A2M: variants seen among roughly 807,000 people sequenced by gnomAD.
The protein encoded by A2M is alpha-2-macroglobulin, also known as C3 and PZP-like alpha-2-macroglobulin domain-containing protein 5.
A neutral mutation model predicts 183.9 loss-of-function variants in A2M; 128 were observed. That is an observed-to-expected ratio of 0.70 (90% CI 0.60 to 0.81). The LOEUF is 0.81. Ranked by LOEUF, A2M falls within the 30% of genes least tolerant of loss-of-function variation. The pLI, the probability that A2M is intolerant of heterozygous loss-of-function variation, is 0.00. For synonymous variants in A2M, 592 were observed against 670.8 expected, an observed-to-expected ratio of 0.88 and a Z score of 1.81; for missense variants, 1,495 against 1,787.6, an observed-to-expected ratio of 0.84 and a Z score of 2.95.
At chr12:9,097,753 C>G (rs146231725) in intron 15 of A2M, among the ~76,000 whole-genome samples, 1 of 151,880 alleles carries the variant, frequency 6.6e-6, no homozygotes, top group African/African-American at 2.4e-5. Flanking sequence ...CTGCCTCAGC[C>G]TCCTGAGTAG....
intron 13 of A2M, 119 bp downstream of exon 13, chr12:9,101,025 A>C: frequency 2.2e-6 from 2 of 898,386 alleles, no homozygotes; most frequent in Non-Finnish European, 3.4e-6. Flanking sequence ...ATGTGACCAA[A>C]CACCACCTGT....
intron 14 of A2M, 49 bp from the exon 15 acceptor site, chr12:9,098,805 C>A: frequency 6.3e-7 from 1 of 1,592,936 alleles, no homozygotes; most frequent in South Asian, 1.1e-5. Context: ...CAGGTTTACC[C>A]ATGCATTCAC....
In A2M at chr12:9,079,785, G is replaced by C; in HGVS notation, c.2885C>G (p.Thr962Arg). The C allele has an allele frequency of 6.2e-7, 1 of 1,612,056 alleles. No individual in the cohort carries two copies. The highest frequency in any genetic ancestry group is 8.5e-7 in the Non-Finnish European group (1 of 1,179,158). ...GDILGSAMQNTQNLLQMPYGC... is the reference protein window; with the variant it reads ...GDILGSAMQNRQNLLQMPYGC... ...ATAGGGCATCTGGAGAAGATTTTGT[G>C]TGTTTTGCATGGCAGAGCCTAATAT... is the stretch of plus-strand genomic sequence containing the variant. The change falls in exon 24 of 36, where the codon ACA becomes AGA. Residue 962 changes from threonine to arginine, a missense_variant. By Grantham distance (71) the Thr-to-Arg change is moderately conservative (BLOSUM62 -1). Transcript: ENST00000318602.
chr12:9,107,401 C>A, intron 8 of A2M, 123 bp downstream of exon 8: 1 of 1,207,918 alleles, frequency 8.3e-7, no homozygotes, highest in Non-Finnish European at 1.1e-6. Context: ...TGAAAAATTA[C>A]AATAGCCAAC....
chr12:9,104,020 C>T (rs762118930), intron 11 of A2M, among the ~76,000 whole-genome samples: 1 of 152,218 alleles, frequency 6.6e-6, no homozygotes, highest in African/African-American at 2.4e-5. Context: ...CGCCATTTTA[C>T]GTTCCCAGCA....
chr12:9,081,490 A>G (rs1054182160), intron 22 of A2M, among the ~76,000 whole-genome samples: 1 of 152,220 alleles, frequency 6.6e-6, no homozygotes, highest in Non-Finnish European at 1.5e-5. Context: ...CCCTCCACAG[A>G]AAGTCCAACT....
Position 9,112,497 on chromosome 12 carries a change from T to C in A2M, c.310A>G (p.Thr104Ala), listed in dbSNP as rs746899751. ...SSSNEEVMFL[T>A]VQVKGPTQEF... ...TGGGTTGGTCCTTTCACTTGGACAG[T>C]GAGGAACATTACCTCCTCATTGGAT... is the stretch of plus-strand genomic sequence containing the variant. The change falls in exon 3 of 36, where the codon ACT (threonine) becomes GCT (alanine). Residue 104 changes from threonine to alanine, a missense_variant. Transcript: ENST00000318602. 1 of 1,613,684 alleles carries C rather than the reference T, an allele frequency of 6.2e-7. No homozygotes were observed.
In A2M at chr12:9,112,186, A is replaced by G. The variant is rs1361286091; in HGVS notation, c.456T>C (p.Asp152=). The change falls in exon 4 of 36, where the codon GAT becomes GAC. Residue 152 remains aspartate (D), a synonymous_variant. Transcript: ENST00000318602. ...QTVKFRVVSM[D]ENFHPLNELI... The stretch of plus-strand genomic sequence containing the variant: ...ACTCATTCAGGGGGTGAAAGTTTTC[A>G]TCCATGGAGACAACACGAAATTTCA... 9.3e-6 allele frequency: 15 copies of G among 1,613,774 alleles called. No individual in the cohort carries two copies. Among genetic ancestry groups the G allele is most frequent in the Admixed American group, 1.7e-5 (1 of 60,010 alleles).
intron 10 of A2M, among the ~76,000 whole-genome samples, chr12:9,105,434 C>G (rs1044519254): frequency 6.6e-6 from 1 of 152,172 alleles, no homozygotes. Flanking sequence ...CATGACATAA[C>G]CAAGCCTTCT....
chr12:9,101,368 T>A (rs1479614141), intron 12 of A2M, 79 bp downstream of exon 12: 1 of 1,362,674 alleles, frequency 7.3e-7, no homozygotes, highest in African/African-American at 1.4e-5. Flanking sequence ...AGTAATGACA[T>A]CTAAAGAGCT....
chr12:9,075,594 A>G (rs903367901), intron 28 of A2M, among the ~76,000 whole-genome samples: 1 of 152,238 alleles, frequency 6.6e-6, no homozygotes, highest in Non-Finnish European at 1.5e-5. Flanking sequence ...CTTAGAAAAT[A>G]AAAAGCAGAC....
Position 9,113,383 on chromosome 12 carries a change from C to A in A2M, c.247G>T (p.Val83Leu). The A allele has an allele frequency of 6.2e-7, 1 of 1,613,500 alleles. No individual in the cohort carries two copies. The highest frequency in any genetic ancestry group is 8.5e-7 in the Non-Finnish European group (1 of 1,179,862). The change falls in exon 2 of 36, where the codon GTA (valine) becomes TTA (leucine). Residue 83 changes from valine (V) to leucine (L), a missense_variant. Transcript: ENST00000318602. ...LFTDLEAEND[V>L]LHCVAFAVPK... is the part of the protein sequence containing the mutation. ...ACAGCGAAGGCGACACAGTGGAGTACGTCATTCTCCGCCTCCAGGTCAGTG... is the reference window on the plus strand; with the variant it reads ...ACAGCGAAGGCGACACAGTGGAGTAAGTCATTCTCCGCCTCCAGGTCAGTG...
intron 6 of A2M, 118 bp downstream of exon 6, chr12:9,109,749 A>G: frequency 2.0e-6 from 2 of 991,762 alleles, no homozygotes; most frequent in Non-Finnish European, 3.0e-6. Flanking sequence ...AATTAATTCT[A>G]CTCCAAGCCC....
chr12:9,115,257 C>T (rs1303517204), intron 1 of A2M: 4 of 154,112 alleles, frequency 2.6e-5, no homozygotes, highest in African/African-American at 9.6e-5. Context: ...TTCATCACCA[C>T]CTCATCTGCA....
intron 4 of A2M, chr12:9,111,675 G>A: frequency 2.6e-6 from 1 of 381,356 alleles, no homozygotes; most frequent in Admixed American, 3.5e-5. Context: ...ATTTGGGAGA[G>A]AAAAATGAAG....
Position 9,071,808 on chromosome 12 carries a change from T to C in A2M, c.4103+551A>G, listed in dbSNP as rs954806925. Among the ~76,000 whole-genome samples the C allele has an allele frequency of 4.1e-4, 63 of 152,232 alleles. 1 individual carries two copies. Among genetic ancestry groups the C allele is most frequent in the Admixed American group, 2.0e-3 (31 of 15,288 alleles). ...TGATGTGTGCCAGTTATTTGTTACA[T>C]GTATTTTGTCCTAACTTTTTTCCTG... On this transcript the variant is annotated intron_variant, in intron 31 of 35. Transcript: ENST00000318602.
chr12:9,083,197 A>G (rs888089904), intron 22 of A2M, among the ~76,000 whole-genome samples: 2 of 152,076 alleles, frequency 1.3e-5, no homozygotes, highest in Non-Finnish European at 2.9e-5. Context: ...CAATGAGAAC[A>G]CTTGGACACA....
chr12:9,098,805 C>T, intron 14 of A2M, 49 bp from the exon 15 acceptor site: 3 of 1,592,936 alleles, frequency 1.9e-6, no homozygotes, highest in Middle Eastern at 1.7e-4. Context: ...CAGGTTTACC[C>T]ATGCATTCAC....
Position 9,113,369 on chromosome 12 carries a change from G to A in A2M, c.261C>T (p.Val87=), listed in dbSNP as rs758491972. The change falls in exon 2 of 36, where the codon GTC becomes GTT. Residue 87 remains valine (V), a synonymous_variant. Coordinates refer to ENST00000318602, the MANE Select transcript of A2M (RefSeq NM_000014.6). ...LEAENDVLHC[V]AFAVPKSSSN... ...AAACAGCCACACTCACAGCGAAGGCGACACAGTGGAGTACGTCATTCTCCG... is the reference window on the plus strand; with the variant it reads ...AAACAGCCACACTCACAGCGAAGGCAACACAGTGGAGTACGTCATTCTCCG... The A allele has an allele frequency of 1.5e-5, 24 of 1,613,070 alleles. No individual in the cohort carries two copies. Among genetic ancestry groups the A allele is most frequent in the Middle Eastern group, 1.6e-4 (1 of 6,082 alleles).
Sources: allele counts gnomAD v4.1 joint callset (sites outside exome capture counted in the v4.1 genomes callset), GRCh38; gene constraint gnomAD v4.1.1; transcripts MANE v1.5; gene names NCBI Gene and HGNC (gene_info 2026-07-23, HGNC 2026-07-21).